MEGF10: variants seen among roughly 807,000 people sequenced by gnomAD.
MEGF10 encodes the protein multiple EGF like domains 10.
Under a neutral mutation model 147.5 loss-of-function variants are expected in MEGF10, and 86 were observed. The ratio of observed to expected loss-of-function variants is 0.58; its 90% CI spans 0.49 to 0.70. MEGF10 has a LOEUF of 0.70. Ranked by LOEUF, MEGF10 falls within the 30% of genes least tolerant of loss-of-function variation. The pLI, the probability that MEGF10 is intolerant of heterozygous loss-of-function variation, is 0.00. For synonymous variants in MEGF10, 478 were observed against 525.5 expected (o/e 0.91, Z 1.24); for missense variants, 1,329 against 1,487.3 (o/e 0.89, Z 1.75).
intron 2 of MEGF10, among the ~76,000 whole-genome samples, chr5:127,332,140 G>A (rs915004191): frequency 6.6e-6 from 1 of 152,108 alleles, no homozygotes; most frequent in Non-Finnish European, 1.5e-5. Context: ...CAAAACAGTA[G>A]ATCATCCTCT....
At chr5:127,281,793 A>T in the MEGF10 span, among the ~76,000 whole-genome samples, 3 of 152,244 alleles carry the variant, frequency 2.0e-5, no homozygotes, top group African/African-American at 7.2e-5. Context: ...CCAGTTGCAC[A>T]GGCATCTGAT....
intron 24 of MEGF10, 70 bp from the exon 25 acceptor site, chr5:127,457,058 C>A: frequency 7.0e-7 from 1 of 1,418,762 alleles, no homozygotes; most frequent in Non-Finnish European, 9.5e-7. Flanking sequence ...TTGACATTTG[C>A]AAGAAATGCC....
chr5:127,394,309 T>A (rs545585645), intron 5 of MEGF10, among the ~76,000 whole-genome samples: 5 of 151,992 alleles, frequency 3.3e-5, no homozygotes, highest in African/African-American at 1.2e-4. Context: ...AGTATTGGAG[T>A]TGTAGTATCT....
intron 1 of MEGF10, among the ~76,000 whole-genome samples, chr5:127,319,857 G>A (rs1015305205): frequency 5.3e-5 from 8 of 152,190 alleles, no homozygotes; most frequent in Non-Finnish European, 8.8e-5. Context: ...TTATCTTTGC[G>A]TATAGCAATT....
At chr5:127,319,743 T>A (rs1760719240) in intron 1 of MEGF10, among the ~76,000 whole-genome samples, 1 of 152,212 alleles carries the variant, frequency 6.6e-6, no homozygotes, top group Non-Finnish European at 1.5e-5. Flanking sequence ...ACTAATCAAT[T>A]TTTTACTGTT....
intron 13 of MEGF10, among the ~76,000 whole-genome samples, chr5:127,425,032 T>C (rs1765164401): frequency 1.3e-5 from 2 of 152,236 alleles, no homozygotes; most frequent in South Asian, 4.1e-4. Flanking sequence ...CTTATAAAGA[T>C]AGAAAGAATG....
chr5:127,429,534 C>A (rs1438882509), intron 13 of MEGF10, among the ~76,000 whole-genome samples: 1 of 152,176 alleles, frequency 6.6e-6, no homozygotes, highest in Non-Finnish European at 1.5e-5. Flanking sequence ...TAACACCTCC[C>A]ATGTGCTAGG....
chr5:127,292,958 T>G lies in MEGF10; in HGVS notation c.-19+1902T>G, dbSNP rs189275134. Among the ~76,000 whole-genome samples, 4 of 152,350 alleles carry G rather than the reference T, an allele frequency of 2.6e-5. No homozygotes were observed. The East Asian group carries it at 7.7e-4, about 29-fold the overall frequency. ...TCTATAAATTAAATCCCAAGTATTT[T>G]TAGCTACACAATTTCCATACCTGTT... On this transcript the variant is annotated intron_variant, in intron 1 of 24. Transcript: ENST00000503335.
At chr5:127,302,285 G>A (rs1759810178) in intron 1 of MEGF10, among the ~76,000 whole-genome samples, 1 of 152,090 alleles carries the variant, frequency 6.6e-6, no homozygotes, top group African/African-American at 2.4e-5. Context: ...ATATTATTTA[G>A]TCATGGAAAG....
intron 5 of MEGF10, among the ~76,000 whole-genome samples, chr5:127,393,238 C>G: frequency 6.6e-6 from 1 of 152,166 alleles, no homozygotes; most frequent in Non-Finnish European, 1.5e-5. Context: ...AGTTTGAATT[C>G]AGACCTTCTC....
At chr5:127,399,101 A>C (rs1247753367) in intron 7 of MEGF10, among the ~76,000 whole-genome samples, 1 of 152,242 alleles carries the variant, frequency 6.6e-6, no homozygotes, top group African/African-American at 2.4e-5. Flanking sequence ...CTCACATGAC[A>C]GTCAGTGCTG....
At chr5:127,379,415 A>G (rs1191641271) in intron 5 of MEGF10, among the ~76,000 whole-genome samples, 1 of 152,162 alleles carries the variant, frequency 6.6e-6, no homozygotes, top group African/African-American at 2.4e-5. Flanking sequence ...CTAGCCATGC[A>G]TGATCTATTC....
chr5:127,419,852 G>T (rs1331951504), intron 11 of MEGF10, among the ~76,000 whole-genome samples, 192 bp from the exon 12 acceptor site: 1 of 152,190 alleles, frequency 6.6e-6, no homozygotes, highest in African/African-American at 2.4e-5. Flanking sequence ...ACACATGGCT[G>T]TTTGGGTCGT....
the MEGF10 span, among the ~76,000 whole-genome samples, chr5:127,253,073 C>A: frequency 1.3e-5 from 2 of 151,804 alleles, no homozygotes; most frequent in African/African-American, 4.8e-5. Flanking sequence ...CAGTTAATAA[C>A]GAAGTACTGT....
intron 5 of MEGF10, among the ~76,000 whole-genome samples, 181 bp downstream of exon 5, chr5:127,370,183 G>A (rs558201572): frequency 1.6e-4 from 24 of 152,236 alleles, no homozygotes; most frequent in South Asian, 4.1e-4. Context: ...TACATTATTC[G>A]TTAATTAAGT....
chr5:127,402,808 AC>A, intron 8 of MEGF10, 126 bp downstream of exon 8: 1 of 936,602 alleles, frequency 1.1e-6, no homozygotes, highest in Non-Finnish European at 1.6e-6. Context: ...AAGTAGCTAT[AC>A]AGCCTCAATG....
intron 7 of MEGF10, among the ~76,000 whole-genome samples, chr5:127,401,882 C>G (rs1298748371): frequency 6.6e-6 from 1 of 152,142 alleles, no homozygotes; most frequent in Non-Finnish European, 1.5e-5. Flanking sequence ...TTTTTCTCCC[C>G]AGGAAATAAG....
chr5:127,261,422 CTTG>C, the MEGF10 span, among the ~76,000 whole-genome samples: 2 of 152,052 alleles, frequency 1.3e-5, no homozygotes, highest in African/African-American at 2.4e-5. Context: ...TTCATTCATT[CTTG>C]TTGTAATATG....
At chr5:127,257,195 G>T in the MEGF10 span, among the ~76,000 whole-genome samples, 1 of 151,686 alleles carries the variant, frequency 6.6e-6, no homozygotes, top group African/African-American at 2.4e-5. Flanking sequence ...GTGTGGGTGT[G>T]ACTCCCAGTC....
Sources: allele counts gnomAD v4.1 joint callset (sites outside exome capture counted in the v4.1 genomes callset), GRCh38; gene constraint gnomAD v4.1.1; transcripts MANE v1.5; gene names NCBI Gene and HGNC (gene_info 2026-07-23, HGNC 2026-07-21).